TRAK1: variants seen among roughly 807,000 people sequenced by gnomAD.
The protein encoded by TRAK1 is trafficking kinesin-binding protein 1.
TRAK1 carries 33 observed loss-of-function variants against 92.1 expected under a neutral mutation model. That is an observed-to-expected ratio of 0.36 (90% CI 0.27 to 0.48). The LOEUF (loss-of-function observed/expected upper bound fraction) is 0.48, where lower values mean the gene tolerates loss of function less well. TRAK1 is among the 20% of genes least tolerant of loss of function. The probability of loss-of-function intolerance (pLI) is 0.99; values close to 1 mark genes in which losing one functional copy is unlikely to be tolerated. For missense variants in TRAK1, 1,123 were observed against 1,257.9 expected, an observed-to-expected ratio of 0.89 and a Z score of 1.62; for synonymous variants, 521 against 517.3, an observed-to-expected ratio of 1.01 and a Z score of -0.10.
chr3:42,200,262 G>T (rs1707340140), intron 11 of TRAK1, among the ~76,000 whole-genome samples: 2 of 152,164 alleles, frequency 1.3e-5, no homozygotes, highest in South Asian at 4.1e-4. Flanking sequence ...GGGAACAAAT[G>T]AGCATCAAAG....
At chr3:42,164,478 A>G (rs1559859056) in intron 2 of TRAK1, among the ~76,000 whole-genome samples, 1 of 152,222 alleles carries the variant, frequency 6.6e-6, no homozygotes, top group Admixed American at 6.5e-5. Context: ...GATAGTTTGC[A>G]CTTGTGTAGA....
rs765480003 is a variant in TRAK1, at chr3:42,178,271, C to T, written c.363+1381C>T. On this transcript the variant is annotated intron_variant, in intron 3 of 15. Coordinates refer to ENST00000327628, the MANE Select transcript of TRAK1 (RefSeq NM_001042646.3). Reference sequence around the variant, plus strand: ...CTGCTTTACTCTTCCTTGCAGCTGCCACCGTCCATGCCCTCTGTGACCCGC... The same window carrying T: ...CTGCTTTACTCTTCCTTGCAGCTGCTACCGTCCATGCCCTCTGTGACCCGC... Among the ~76,000 whole-genome samples, 6 of 152,086 alleles carry T rather than the reference C, an allele frequency of 3.9e-5. No homozygotes were observed. In the South Asian group the frequency reaches 6.2e-4, roughly 16 times the overall value.
At chr3:42,174,736 AT>A (rs979170743) in intron 2 of TRAK1, among the ~76,000 whole-genome samples, 9 of 146,924 alleles carry the variant, frequency 6.1e-5, no homozygotes, top group African/African-American at 9.9e-5. Flanking sequence ...ATATACAAAA[AT>A]TTTTTTTTTA....
intron 3 of TRAK1, among the ~76,000 whole-genome samples, chr3:42,178,850 C>G (rs913663961): frequency 6.6e-6 from 1 of 152,084 alleles, no homozygotes; most frequent in Non-Finnish European, 1.5e-5. Flanking sequence ...TGGCCTGTGC[C>G]TGTAATCCCA....
chr3:42,165,234 A>C (rs1181927993), intron 2 of TRAK1, among the ~76,000 whole-genome samples: 1 of 152,040 alleles, frequency 6.6e-6, no homozygotes, highest in East Asian at 1.9e-4. Context: ...CACTTTCCTT[A>C]GGGGTGGTTG....
intron 3 of TRAK1, among the ~76,000 whole-genome samples, chr3:42,183,726 T>C (rs1466975760): frequency 6.6e-6 from 1 of 152,146 alleles, no homozygotes; most frequent in African/African-American, 2.4e-5. Flanking sequence ...CCATTCTTTC[T>C]TTCAAACCAG....
At chr3:42,124,208 A>T (rs543488985) in intron 1 of TRAK1, among the ~76,000 whole-genome samples, 5 of 151,800 alleles carry the variant, frequency 3.3e-5, no homozygotes, top group Admixed American at 1.3e-4. Flanking sequence ...TTGAAGAGTC[A>T]TTCCTAGAAC....
intron 1 of TRAK1, among the ~76,000 whole-genome samples, chr3:42,033,371 G>A (rs59011216): frequency 0.1 from 15,656 of 152,190 alleles, 2,765 homozygotes; most frequent in African/African-American, 0.36. Flanking sequence ...GATTCAGCAT[G>A]TTTAAGATCT....
At chr3:42,185,253 G>A (rs1413766950) in intron 4 of TRAK1, among the ~76,000 whole-genome samples, 1 of 152,204 alleles carries the variant, frequency 6.6e-6, no homozygotes, top group Non-Finnish European at 1.5e-5. Flanking sequence ...AGCCCTGTTA[G>A]GAGGCCAGCT....
At chr3:42,220,541 G>A in intron 15 of TRAK1, 1 of 985,444 alleles carries the variant, frequency 1.0e-6, no homozygotes, top group Non-Finnish European at 1.2e-6. Context: ...GCCCCGTTGA[G>A]CTGAGAGGAG....
intron 2 of TRAK1, among the ~76,000 whole-genome samples, chr3:42,136,677 C>G (rs1304154387): frequency 1.3e-5 from 2 of 149,244 alleles, no homozygotes; most frequent in African/African-American, 5.0e-5. Context: ...AATAACATTT[C>G]TTTTCTTTCT....
intron 1 of TRAK1, among the ~76,000 whole-genome samples, chr3:42,065,597 A>G (rs116019623): frequency 1.4e-3 from 206 of 152,228 alleles, no homozygotes; most frequent in African/African-American, 4.7e-3. Flanking sequence ...ACCCAACATA[A>G]TTGGGCCACA....
At chr3:42,099,450 G>A (rs2149006883) in intron 1 of TRAK1, among the ~76,000 whole-genome samples, 1 of 152,308 alleles carries the variant, frequency 6.6e-6, no homozygotes, top group Admixed American at 6.5e-5. Flanking sequence ...GACCTTCCAG[G>A]AGGTTTAAAC....
chr3:42,031,631 T>TC (rs575602207), intron 1 of TRAK1, among the ~76,000 whole-genome samples: 11,212 of 43,110 alleles, frequency 0.26, 478 homozygotes, highest in South Asian at 0.52. Context: ...AGACCTTGTC[T>TC]CAAAAAATAG....
chr3:42,128,470 C>T (rs985280536), intron 2 of TRAK1, among the ~76,000 whole-genome samples: 13 of 152,276 alleles, frequency 8.5e-5, no homozygotes, highest in South Asian at 4.1e-4. Flanking sequence ...GTTAATTGAA[C>T]GATCAGGTGT....
chr3:42,120,642 G>A (rs1239507298), intron 1 of TRAK1, among the ~76,000 whole-genome samples: 1 of 152,106 alleles, frequency 6.6e-6, no homozygotes, highest in Non-Finnish European at 1.5e-5. Context: ...CCGCCTCCCA[G>A]GTTCAAGTGA....
chr3:42,204,274 T>C (rs1043145475), intron 13 of TRAK1: 3 of 981,686 alleles, frequency 3.1e-6, no homozygotes, highest in African/African-American at 3.5e-5. Flanking sequence ...CTTTCTATAT[T>C]TGACTCTGTG....
chr3:42,142,090 C>CACTGCACTCCAGTGCATTG, intron 2 of TRAK1, among the ~76,000 whole-genome samples: 1 of 152,118 alleles, frequency 6.6e-6, no homozygotes, highest in Non-Finnish European at 1.5e-5. Context: ...TGAGATTGCG[C>CACTGCACTCCAGTGCATTG]CACTGCACTC....
chr3:42,204,457 T>G (rs1708089812), intron 13 of TRAK1, among the ~76,000 whole-genome samples: 1 of 152,236 alleles, frequency 6.6e-6, no homozygotes, highest in Admixed American at 6.5e-5. Context: ...TATAGTGCTC[T>G]GCTACCCAGG....
Sources: allele counts gnomAD v4.1 joint callset (sites outside exome capture counted in the v4.1 genomes callset), GRCh38; gene constraint gnomAD v4.1.1; transcripts MANE v1.5; gene names NCBI Gene and HGNC (gene_info 2026-07-23, HGNC 2026-07-21).